Variants in BATF observed in about 807,000 individuals in gnomAD.
BATF encodes basic leucine zipper ATF-like transcription factor.
BATF carries 5 observed loss-of-function variants against 13.7 expected under a neutral mutation model. The observed-to-expected ratio is 0.36, with a 90% confidence interval of 0.19 to 0.77. BATF has a LOEUF of 0.77. Ranked by LOEUF, BATF falls within the 30% of genes least tolerant of loss-of-function variation. The pLI, the probability that BATF is intolerant of heterozygous loss-of-function variation, is 0.51. For synonymous variants in BATF, 72 were observed against 67.5 expected (o/e 1.07, Z -0.33); for missense variants, 124 against 163.0 (o/e 0.76, Z 1.30).
At chr14:75,542,691 C>T (rs1290682404) in intron 2 of BATF, among the ~76,000 whole-genome samples, 2 of 152,222 alleles carry the variant, frequency 1.3e-5, no homozygotes, top group African/African-American at 4.8e-5. Context: ...GCTGCACGGT[C>T]CCTGGGCTGG....
chr14:75,540,603 G>A (rs2140041481), intron 2 of BATF, among the ~76,000 whole-genome samples: 1 of 152,328 alleles, frequency 6.6e-6, no homozygotes, highest in East Asian at 1.9e-4. Context: ...CTCAATTCAA[G>A]TACCGGTGCT....
At chr14:75,542,581 G>T (rs1887912966) in intron 2 of BATF, among the ~76,000 whole-genome samples, 1 of 152,214 alleles carries the variant, frequency 6.6e-6, no homozygotes, top group African/African-American at 2.4e-5. Context: ...AGGGCCAGAG[G>T]GGACTGGGCA....
intron 2 of BATF, among the ~76,000 whole-genome samples, chr14:75,528,514 A>C (rs1166415327): frequency 1.3e-5 from 2 of 152,332 alleles, no homozygotes; most frequent in South Asian, 2.1e-4. Context: ...GGCCTTGACT[A>C]TCTCTGACAT....
At chr14:75,536,334 AG>A (rs1404335048) in intron 2 of BATF, among the ~76,000 whole-genome samples, 1 of 152,206 alleles carries the variant, frequency 6.6e-6, no homozygotes, top group African/African-American at 2.4e-5. Context: ...GAGAGCCTTG[AG>A]GCCAAGCTGC....
intron 2 of BATF, among the ~76,000 whole-genome samples, chr14:75,542,978 T>G (rs1167579286): frequency 6.6e-6 from 1 of 152,186 alleles, no homozygotes; most frequent in Non-Finnish European, 1.5e-5. Context: ...GGCCCTCCCT[T>G]CTGCCTCGGG....
chr14:75,532,722 T>G (rs1024775), intron 2 of BATF, among the ~76,000 whole-genome samples: 103,865 of 152,120 alleles, frequency 0.68, 36,624 homozygotes, highest in Non-Finnish European at 0.76. Context: ...ATAAAAAAAT[T>G]TATGCTGGTA....
chr14:75,522,629 A>G lies in BATF; in HGVS notation c.-54A>G. On this transcript the variant is annotated 5_prime_UTR_variant, in exon 1 of 3. Transcript: ENST00000286639. ...TCAGGAAGGGAGCCCAGCTGGTGAC[A>G]AGAGAGCCCAGAGGTGCCTGGGGCT... 6.2e-7 allele frequency: 1 copy of G among 1,608,746 alleles called. No homozygotes were observed. The highest frequency in any genetic ancestry group is 8.5e-7 in the Non-Finnish European group (1 of 1,175,212).
At chr14:75,535,583 G>A (rs1360118555) in intron 2 of BATF, among the ~76,000 whole-genome samples, 1 of 152,138 alleles carries the variant, frequency 6.6e-6, no homozygotes, top group African/African-American at 2.4e-5. Flanking sequence ...GAACTCTGGA[G>A]GACATCAAGT....
chr14:75,528,630 A>G (rs1887686761), intron 2 of BATF, among the ~76,000 whole-genome samples: 1 of 152,234 alleles, frequency 6.6e-6, no homozygotes, highest in Admixed American at 6.5e-5. Context: ...CTGCACACTT[A>G]GTTCCTTTTC....
chr14:75,527,468 C>T (rs533013210), intron 2 of BATF, among the ~76,000 whole-genome samples: 11 of 152,308 alleles, frequency 7.2e-5, no homozygotes, highest in African/African-American at 2.6e-4. Flanking sequence ...ACAGAAGAGT[C>T]TTTCCTATGT....
At chr14:75,544,032 G>A (rs1435516919) in intron 2 of BATF, among the ~76,000 whole-genome samples, 2 of 152,128 alleles carry the variant, frequency 1.3e-5, no homozygotes, top group African/African-American at 4.8e-5. Flanking sequence ...GATGTCATAA[G>A]TCTGTCAGTC....
At chr14:75,529,290 T>C (rs1317219366) in intron 2 of BATF, among the ~76,000 whole-genome samples, 2 of 151,956 alleles carry the variant, frequency 1.3e-5, no homozygotes, top group African/African-American at 4.8e-5. Flanking sequence ...CAAAAACAAA[T>C]TCAGATTTTA....
chr14:75,544,680 C>G (rs924503661), intron 2 of BATF, among the ~76,000 whole-genome samples: 17 of 151,966 alleles, frequency 1.1e-4, no homozygotes, highest in South Asian at 2.1e-4. Context: ...TCTTAACAAG[C>G]CTTCAAATTA....
intron 2 of BATF, among the ~76,000 whole-genome samples, chr14:75,535,034 T>C (rs941480813): frequency 1.3e-5 from 2 of 152,200 alleles, no homozygotes; most frequent in African/African-American, 4.8e-5. Context: ...GTTGACTATG[T>C]AGATGTGACA....
At position 75,522,788 on chromosome 14, in the gene BATF, G is replaced by A. The variant is rs145658481; in HGVS notation, c.63+43G>A. 671 of 1,611,936 alleles carry A rather than the reference G, an allele frequency of 4.2e-4. 4 individuals carry two copies. In the African/African-American group the frequency reaches 7.9e-3, roughly 19 times the overall value. ...CTCTCTCCTACCTTCTGATTCTCCT[G>A]GGGGATGGAAAGAGAGCCAGGCTTC... On this transcript the variant is annotated intron_variant, in intron 1 of 2. Coordinates refer to ENST00000286639, the MANE Select transcript of BATF (RefSeq NM_006399.5).
At chr14:75,527,477 G>A (rs1887670672) in intron 2 of BATF, among the ~76,000 whole-genome samples, 1 of 152,130 alleles carries the variant, frequency 6.6e-6, no homozygotes, top group African/African-American at 2.4e-5. Flanking sequence ...TCTTTCCTAT[G>A]TTAAGCTGCA....
chr14:75,532,025 A>C (rs2140037146), intron 2 of BATF, among the ~76,000 whole-genome samples: 1 of 152,298 alleles, frequency 6.6e-6, no homozygotes, highest in African/African-American at 2.4e-5. Context: ...AACCATGTTA[A>C]TTGAACAAAC....
In BATF at chr14:75,528,105, G is replaced by A. The variant is rs377732584; in HGVS notation, c.168+2917G>A. 2.6e-5 allele frequency among the ~76,000 whole-genome samples: 4 copies of A among 152,204 alleles called. No individual in the cohort carries two copies. The East Asian group carries it at 5.8e-4, about 22-fold the overall frequency. On this transcript the variant is annotated intron_variant, in intron 2 of 2. Coordinates refer to ENST00000286639, the MANE Select transcript of BATF (RefSeq NM_006399.5). ...TTTACCACCAGTGTCAGGGCTCAGTGTGTGGTTTGCCCTTGACTCCTTTCC... is the reference window on the plus strand; with the variant it reads ...TTTACCACCAGTGTCAGGGCTCAGTATGTGGTTTGCCCTTGACTCCTTTCC...
chr14:75,535,206 G>A (rs1352212063), intron 2 of BATF, among the ~76,000 whole-genome samples: 4 of 152,110 alleles, frequency 2.6e-5, no homozygotes, highest in Non-Finnish European at 5.9e-5. Flanking sequence ...GATGACTTGA[G>A]ACCAAGCTGG....
Sources: gnomAD v4.1 joint callset for allele counts (sites outside exome capture counted in the v4.1 genomes callset) on GRCh38, gnomAD v4.1.1 for gene constraint, MANE v1.5 for transcripts, NCBI Gene and HGNC (gene_info 2026-07-23, HGNC 2026-07-21) for gene names.